The following TRIM5 variants were observed in gnomAD, a reference collection of about 807,000 sequenced individuals.
TRIM5 encodes the protein tripartite motif containing 5, also known as tripartite motif-containing protein 5.
A neutral mutation model predicts 35.6 loss-of-function variants in TRIM5; 31 were observed. The ratio of observed to expected loss-of-function variants is 0.87; its 90% confidence interval spans 0.65 to 1.18. The LOEUF (loss-of-function observed/expected upper bound fraction) is 1.18, where lower values mean the gene tolerates loss of function less well. Among genes scored for constraint, TRIM5 ranks in the 50% most tolerant of loss-of-function variants. The pLI is 0.00. For synonymous variants in TRIM5, 243 were observed against 215.6 expected (o/e 1.13, Z -1.11); for missense variants, 609 against 591.6 (o/e 1.03, Z -0.31).
chr11:5,630,949 A>G, the TRIM5 span, among the ~76,000 whole-genome samples: 2 of 152,218 alleles, frequency 1.3e-5, no homozygotes, highest in South Asian at 2.1e-4. Flanking sequence ...CACATGAATA[A>G]TTGGCATTCA....
At chr11:5,635,349 A>G in the TRIM5 span, among the ~76,000 whole-genome samples, 2 of 146,506 alleles carry the variant, frequency 1.4e-5, no homozygotes, top group Non-Finnish European at 3.0e-5. Context: ...TCCGCCTCCC[A>G]GGTTCACGCC....
chr11:5,643,762 T>G, the TRIM5 span: 3 of 1,525,526 alleles, frequency 2.0e-6, no homozygotes, highest in South Asian at 2.7e-5. Context: ...CTCCTGCAAC[T>G]GACTCATCTG....
chr11:5,670,302 C>T (rs901967927), intron 4 of TRIM5, among the ~76,000 whole-genome samples: 2 of 150,872 alleles, frequency 1.3e-5, no homozygotes, highest in Admixed American at 6.6e-5. Flanking sequence ...TTCAGCCTCC[C>T]GAGTAGCTGG....
the TRIM5 span, among the ~76,000 whole-genome samples, chr11:5,655,209 G>C: frequency 6.7e-6 from 1 of 149,716 alleles, no homozygotes; most frequent in African/African-American, 2.5e-5. Context: ...AAAAAAAAAA[G>C]GAAATGGCCT....
downstream of TRIM5, among the ~76,000 whole-genome samples, chr11:5,660,937 G>A (rs1251057793): frequency 6.6e-6 from 1 of 151,094 alleles, no homozygotes; most frequent in Non-Finnish European, 1.5e-5. Context: ...AGCTACTCGG[G>A]AGACTGAGGC....
chr11:5,665,958 G>A, intron 6 of TRIM5, 23 bp downstream of exon 6: 3 of 1,591,520 alleles, frequency 1.9e-6, no homozygotes, highest in South Asian at 1.1e-5. Flanking sequence ...CCATAACCCT[G>A]TTGTTGATCT....
chr11:5,616,069 G>C, the TRIM5 span, among the ~76,000 whole-genome samples: 2 of 150,952 alleles, frequency 1.3e-5, no homozygotes, highest in East Asian at 4.0e-4. Flanking sequence ...TCCTGCCTCA[G>C]CCTCCCGAGT....
chr11:5,610,616 G>T, the TRIM5 span: 1 of 1,591,494 alleles, frequency 6.3e-7, no homozygotes, highest in South Asian at 1.2e-5. Context: ...CCTTTCACAT[G>T]CCCTCCCCAG....
chr11:5,632,585 A>C, the TRIM5 span: 2 of 1,613,864 alleles, frequency 1.2e-6, no homozygotes, highest in Non-Finnish European at 1.7e-6. Flanking sequence ...AAGGAGGTCA[A>C]GTTGAGCCCA....
At chr11:5,644,520 AG>A in the TRIM5 span, 1 of 346,320 alleles carries the variant, frequency 2.9e-6, no homozygotes, top group Non-Finnish European at 5.2e-6. Flanking sequence ...CTCCAATTTT[AG>A]TTTTGTTTTA....
rs756056446 is a variant in TRIM5, at chr11:5,665,284, T to C, written c.1007A>G (p.Tyr336Cys). The C allele has an allele frequency of 1.2e-6, 2 of 1,614,218 alleles. No individual in the cohort carries two copies. Among genetic ancestry groups the C allele is most frequent in the Non-Finnish European group, 1.7e-6 (2 of 1,180,048 alleles). The change falls in exon 8 of 8, where the codon TAC (tyrosine) becomes TGC (cysteine). Residue 336 changes from tyrosine (Y) to cysteine (C), a missense_variant. By Grantham distance (194) the Tyr-to-Cys change is radical. Transcript: ENST00000380034. ...ATAATTGAAATTCACAAATGTCTGG[T>C]ATCTTGTCCCTCGTGCCCCATATAT... ...QIIYGARGTR[Y>C]QTFVNFNYCT...
the TRIM5 span, among the ~76,000 whole-genome samples, chr11:5,652,482 T>C: frequency 6.6e-6 from 1 of 152,214 alleles, no homozygotes; most frequent in Non-Finnish European, 1.5e-5. Flanking sequence ...TGCAGGCTTG[T>C]AGCATTATTT....
the TRIM5 span, among the ~76,000 whole-genome samples, chr11:5,653,493 T>G: frequency 5.3e-5 from 8 of 150,308 alleles, no homozygotes; most frequent in African/African-American, 1.9e-4. Flanking sequence ...TTTTGTTTTT[T>G]TTGTTTTTTT....
chr11:5,610,702 C>T, the TRIM5 span: 5 of 1,576,208 alleles, frequency 3.2e-6, no homozygotes, highest in Admixed American at 3.5e-5. Context: ...CAACCACTTC[C>T]TGTGTTTCCT....
the TRIM5 span, among the ~76,000 whole-genome samples, chr11:5,597,365 C>T: frequency 4.8e-4 from 73 of 152,196 alleles, no homozygotes; most frequent in East Asian, 7.9e-3. Context: ...AAAAAATGCA[C>T]AATCAAAACA....
chr11:5,655,252 T>C, the TRIM5 span, among the ~76,000 whole-genome samples: 1 of 151,620 alleles, frequency 6.6e-6, no homozygotes. Flanking sequence ...CCATTGGTTG[T>C]AGAGCTGGGT....
the TRIM5 span, chr11:5,596,914 G>C: frequency 1.2e-6 from 2 of 1,614,076 alleles, no homozygotes; most frequent in African/African-American, 1.3e-5. Flanking sequence ...GGGTCAGAGA[G>C]GTATGTCTAC....
chr11:5,648,664 T>C, the TRIM5 span, among the ~76,000 whole-genome samples: 1 of 152,080 alleles, frequency 6.6e-6, no homozygotes, highest in Non-Finnish European at 1.5e-5. Flanking sequence ...ATCATTCCAG[T>C]AGAGTCATGT....
At chr11:5,629,295 C>G in the TRIM5 span, among the ~76,000 whole-genome samples, 1 of 151,934 alleles carries the variant, frequency 6.6e-6, no homozygotes, top group African/African-American at 2.4e-5. Context: ...ACAAAAACTA[C>G]AGGTCATTGA....
Sources: gnomAD v4.1 joint callset for allele counts (sites outside exome capture counted in the v4.1 genomes callset) on GRCh38, gnomAD v4.1.1 for gene constraint, MANE v1.5 for transcripts, NCBI Gene and HGNC (gene_info 2026-07-23, HGNC 2026-07-21) for gene names.